Variants in PDXDC1 observed in about 807,000 individuals in gnomAD.
PDXDC1 encodes pyridoxal dependent decarboxylase domain containing 1.
PDXDC1 carries 42 observed loss-of-function variants against 100.1 expected under a neutral mutation model. The ratio of observed to expected loss-of-function variants is 0.42; its 90% CI spans 0.33 to 0.54. The LOEUF (loss-of-function observed/expected upper bound fraction) is 0.54, where lower values mean the gene tolerates loss of function less well. Among genes scored for constraint, PDXDC1 ranks in the 20% least tolerant of loss-of-function variants. The probability of loss-of-function intolerance (pLI) is 0.10; values close to 1 mark genes in which losing one functional copy is unlikely to be tolerated. For missense variants in PDXDC1, 636 were observed against 979.2 expected (o/e 0.65, Z 4.68); for synonymous variants, 260 against 371.7 (o/e 0.70, Z 3.46).
intron 16 of PDXDC1, among the ~76,000 whole-genome samples, chr16:15,082,478 G>C (rs2045748481): frequency 6.6e-6 from 1 of 152,078 alleles, no homozygotes; most frequent in Admixed American, 6.5e-5. Context: ...TTCAAGACCA[G>C]TCTGGCCAAC....
intron 1 of PDXDC1, among the ~76,000 whole-genome samples, chr16:14,979,807 C>T (rs1166122075): frequency 1.3e-5 from 2 of 152,294 alleles, no homozygotes; most frequent in African/African-American, 4.8e-5. Context: ...CTGATCATTA[C>T]TTACTGATAA....
At chr16:15,073,196 T>A in intron 16 of PDXDC1, 3 of 1,206,554 alleles carry the variant, frequency 2.5e-6, no homozygotes, top group Non-Finnish European at 3.5e-6. Context: ...CCAAGCACAG[T>A]GGCTCCTGCC....
chr16:15,082,787 A>G (rs2045760855), intron 16 of PDXDC1, among the ~76,000 whole-genome samples: 1 of 152,158 alleles, frequency 6.6e-6, no homozygotes, highest in South Asian at 2.1e-4. Context: ...GGCAACCACT[A>G]TTAATTATTA....
At chr16:15,064,141 GAAC>G (rs2044847831) in intron 16 of PDXDC1, among the ~76,000 whole-genome samples, 1 of 151,978 alleles carries the variant, frequency 6.6e-6, no homozygotes, top group South Asian at 2.1e-4. Flanking sequence ...TGGTTTTCTA[GAAC>G]AACTCATCTA....
intron 1 of PDXDC1, chr16:14,976,879 A>G (rs1213289393): frequency 2.6e-5 from 4 of 152,362 alleles, no homozygotes; most frequent in African/African-American, 9.6e-5. Flanking sequence ...AACGATGCAA[A>G]GTGGTGTTAT....
At chr16:15,088,815 T>TG (rs1318453402) in intron 16 of PDXDC1, among the ~76,000 whole-genome samples, 2 of 152,006 alleles carry the variant, frequency 1.3e-5, no homozygotes, top group African/African-American at 4.8e-5. Context: ...AAATAGACCA[T>TG]GGGGGGCCTT....
downstream of PDXDC1, among the ~76,000 whole-genome samples, chr16:15,143,083 T>C (rs2048499778): frequency 6.6e-6 from 1 of 151,980 alleles, no homozygotes; most frequent in South Asian, 2.1e-4. Flanking sequence ...TTGGGAGAAG[T>C]ACACCCCCAT....
In PDXDC1 at chr16:15,080,211, C is replaced by A. The variant is rs567399950; in HGVS notation, c.1399+50155C>A. ...TTTCAAATATTTAAAAAGAAAAAAA[C>A]AGACTATCCAGCAATACAAAAACTA... On this transcript the variant is annotated intron_variant, in intron 16 of 16. Transcript: ENST00000535621. 94 of 1,285,220 alleles carry A rather than the reference C, an allele frequency of 7.3e-5. 1 individual carries two copies. The South Asian group carries it at 1.4e-3, about 19-fold the overall frequency. The allele number at this position is 1,285,220 out of a possible 1,614,324, so 79.6% of individuals were successfully genotyped here. A position where few individuals can be genotyped will look rare whatever the true frequency, so the allele number is the denominator to read the frequency against.
intron 16 of PDXDC1, among the ~76,000 whole-genome samples, chr16:15,090,881 T>C (rs1308643012): frequency 2.0e-5 from 3 of 151,896 alleles, no homozygotes; most frequent in East Asian, 1.9e-4. Context: ...TTGTTTTTTT[T>C]TTTTTTTTGC....
rs2045061845 is a variant in PDXDC1 at position 15,068,212 on chromosome 16, T to C, written c.1399+38156T>C. ...AAGTTAACCACTGAGGGCAGGCAAATCTTCAGGGGATTTAGCTGGCTCATC... is the reference window on the plus strand; with the variant it reads ...AAGTTAACCACTGAGGGCAGGCAAACCTTCAGGGGATTTAGCTGGCTCATC... On this transcript the variant is annotated intron_variant, in intron 16 of 16. Transcript: ENST00000535621. The C allele has an allele frequency of 1.3e-6, 2 of 1,597,554 alleles. No individual in the cohort carries two copies. The highest frequency in any genetic ancestry group is 1.7e-6 in the Non-Finnish European group (2 of 1,172,272).
At chr16:15,029,041 C>A (rs755093095) in intron 15 of PDXDC1, 75 bp downstream of exon 15, 2 of 1,508,188 alleles carry the variant, frequency 1.3e-6, no homozygotes, top group Non-Finnish European at 1.8e-6. Flanking sequence ...GAGGGTGACG[C>A]GTGCTCGTGT....
intron 16 of PDXDC1, chr16:15,109,151 A>G (rs2046922406): frequency 6.7e-6 from 1 of 149,000 alleles, no homozygotes; most frequent in South Asian, 2.2e-4. Flanking sequence ...CACATTTAAC[A>G]AAAAAAGATC....
chr16:15,011,330 C>T (rs1045436418), intron 8 of PDXDC1, among the ~76,000 whole-genome samples: 5 of 152,256 alleles, frequency 3.3e-5, no homozygotes, highest in African/African-American at 1.2e-4. Context: ...CATCAGTGGT[C>T]TTAGAGCTTG....
At chr16:15,002,631 C>T (rs1336761502) in intron 4 of PDXDC1, among the ~76,000 whole-genome samples, 2 of 152,284 alleles carry the variant, frequency 1.3e-5, no homozygotes, top group African/African-American at 4.8e-5. Flanking sequence ...TGTGTCACTT[C>T]TCATAGAAGC....
intron 6 of PDXDC1, 54 bp downstream of exon 6, chr16:15,006,637 A>T: frequency 6.8e-7 from 1 of 1,467,564 alleles, no homozygotes; most frequent in Non-Finnish European, 9.1e-7. Flanking sequence ...TTTTGTTCTG[A>T]AAGTTTTAAA....
downstream of PDXDC1, chr16:15,041,722 T>G: frequency 2.1e-6 from 3 of 1,417,346 alleles, no homozygotes; most frequent in Non-Finnish European, 3.0e-6. Flanking sequence ...GTTCCTCTAG[T>G]TACCAGAACA....
At position 15,017,422 on chromosome 16, in the gene PDXDC1, G is replaced by C; in HGVS notation, c.963G>C (p.Leu321Phe). The C allele has an allele frequency of 6.2e-7, 1 of 1,614,082 alleles. No individual in the cohort carries two copies. The highest frequency in any genetic ancestry group is 2.2e-5 in the East Asian group (1 of 44,876). ...VTLYKHDDPA[L>F]TLVAGLTSNK... ...TGTATAAACACGATGACCCTGCCTTGGTAAGTTTCCACTCACTGGGGAGGG... is the reference window on the plus strand; with the variant it reads ...TGTATAAACACGATGACCCTGCCTTCGTAAGTTTCCACTCACTGGGGAGGG... The change falls in exon 11 of 23, where the codon TTG becomes TTC. Residue 321 changes from leucine to phenylalanine, a missense_variant and splice_region_variant. Coordinates refer to ENST00000396410, the MANE Select transcript of PDXDC1 (RefSeq NM_015027.4).
At chr16:15,075,445 C>T (rs1334100618) in intron 16 of PDXDC1, among the ~76,000 whole-genome samples, 2 of 151,716 alleles carry the variant, frequency 1.3e-5, no homozygotes, top group African/African-American at 2.4e-5. Flanking sequence ...CGGTGGTACA[C>T]TGTAGTCCCA....
intron 6 of PDXDC1, among the ~76,000 whole-genome samples, chr16:15,007,153 A>G (rs1294728615): frequency 2.2e-5 from 3 of 138,762 alleles, no homozygotes; most frequent in African/African-American, 8.0e-5. Flanking sequence ...ATCAAAGAGC[A>G]TGACTTTTTT....
Sources: allele counts gnomAD v4.1 joint callset (sites outside exome capture counted in the v4.1 genomes callset), GRCh38; gene constraint gnomAD v4.1.1; transcripts MANE v1.5; gene names NCBI Gene and HGNC (gene_info 2026-07-23, HGNC 2026-07-21).